Variants in BCKDHB observed in about 807,000 individuals in gnomAD.
BCKDHB encodes the protein branched chain keto acid dehydrogenase E1 subunit beta, also known as 2-oxoisovalerate dehydrogenase subunit beta, mitochondrial.
Under a neutral mutation model 48.5 loss-of-function variants are expected in BCKDHB, and 41 were observed. The ratio of observed to expected loss-of-function variants is 0.85; its 90% CI spans 0.66 to 1.10. BCKDHB has a LOEUF of 1.10. Among genes scored for constraint, BCKDHB ranks in the 50% least tolerant of loss-of-function variants. The pLI, the probability that BCKDHB is intolerant of heterozygous loss-of-function variation, is 0.00. For synonymous variants in BCKDHB, 201 were observed against 174.8 expected, an observed-to-expected ratio of 1.15 and a Z score of -1.18; for missense variants, 496 against 494.2, an observed-to-expected ratio of 1.00 and a Z score of -0.03.
intron 3 of BCKDHB, among the ~76,000 whole-genome samples, chr6:80,151,498 C>T (rs1771776694): frequency 6.6e-6 from 1 of 151,370 alleles, no homozygotes; most frequent in Non-Finnish European, 1.5e-5. Flanking sequence ...TTTGGGACCG[C>T]CTGTATGTGG....
chr6:80,267,387 A>G (rs1777557450), intron 8 of BCKDHB, among the ~76,000 whole-genome samples: 1 of 152,104 alleles, frequency 6.6e-6, no homozygotes. Flanking sequence ...TTACGAGTAC[A>G]TAGACAATCT....
intron 8 of BCKDHB, among the ~76,000 whole-genome samples, chr6:80,223,937 A>G (rs941812287): frequency 3.9e-5 from 6 of 152,214 alleles, no homozygotes; most frequent in Non-Finnish European, 7.3e-5. Flanking sequence ...ATTTCTGACC[A>G]GAAGAATAGA....
At chr6:80,228,997 C>T (rs1775799159) in intron 8 of BCKDHB, among the ~76,000 whole-genome samples, 1 of 152,180 alleles carries the variant, frequency 6.6e-6, no homozygotes, top group African/African-American at 2.4e-5. Context: ...GCCACTGAAA[C>T]ACAACAGAAG....
chr6:80,127,634 A>G lies in BCKDHB; in HGVS notation c.274+10A>G. 1 of 1,605,260 alleles carries G rather than the reference A, an allele frequency of 6.2e-7. No homozygotes were observed. The highest frequency in any genetic ancestry group is 8.5e-7 in the Non-Finnish European group (1 of 1,172,056). Reference sequence around the variant, plus strand: ...AAAGATCCTACTGCAGGTAACCCTGATATGTGCCTGAATTGTGGTAGCTGT... The same window carrying G: ...AAAGATCCTACTGCAGGTAACCCTGGTATGTGCCTGAATTGTGGTAGCTGT... On this transcript the variant is annotated intron_variant, in intron 2 of 9. Coordinates refer to ENST00000320393, the MANE Select transcript of BCKDHB (RefSeq NM_183050.4).
the BCKDHB span, among the ~76,000 whole-genome samples, chr6:80,368,236 A>C: frequency 5.7e-4 from 86 of 152,152 alleles, no homozygotes; most frequent in Non-Finnish European, 8.7e-4. Flanking sequence ...TCTAAAATAA[A>C]ATCCACCATT....
chr6:80,419,878 C>A, the BCKDHB span, among the ~76,000 whole-genome samples: 1 of 152,082 alleles, frequency 6.6e-6, no homozygotes, highest in African/African-American at 2.4e-5. Flanking sequence ...TTCAAATGAT[C>A]TATCTTTGAA....
chr6:80,407,030 G>A, the BCKDHB span, among the ~76,000 whole-genome samples: 29 of 152,280 alleles, frequency 1.9e-4, no homozygotes, highest in East Asian at 4.0e-3. Context: ...GTTAATTTTT[G>A]TGTAAGGTGT....
At chr6:80,331,241 G>A (rs1041282989) in intron 9 of BCKDHB, among the ~76,000 whole-genome samples, 1 of 152,024 alleles carries the variant, frequency 6.6e-6, no homozygotes, top group African/African-American at 2.4e-5. Flanking sequence ...TGGAAATTGA[G>A]TTTCTAAAAT....
At chr6:80,279,402 T>A (rs943820644) in intron 9 of BCKDHB, among the ~76,000 whole-genome samples, 2 of 152,138 alleles carry the variant, frequency 1.3e-5, no homozygotes, top group African/African-American at 4.8e-5. Context: ...GTGATCCTCC[T>A]GCCTCTTCCT....
intron 8 of BCKDHB, among the ~76,000 whole-genome samples, chr6:80,265,970 T>A (rs1777497258): frequency 6.6e-6 from 1 of 152,058 alleles, no homozygotes; most frequent in Admixed American, 6.6e-5. Flanking sequence ...CAGTAAGGCT[T>A]TAGTTATGTG....
intron 3 of BCKDHB, among the ~76,000 whole-genome samples, chr6:80,133,934 T>G (rs1053732469): frequency 6.6e-6 from 1 of 152,178 alleles, no homozygotes; most frequent in Non-Finnish European, 1.5e-5. Context: ...TGAGCCACTG[T>G]GCCTGGTGTC....
the BCKDHB span, among the ~76,000 whole-genome samples, chr6:80,423,873 G>C: frequency 1.3e-5 from 2 of 152,140 alleles, no homozygotes; most frequent in Non-Finnish European, 2.9e-5. Flanking sequence ...TTTCATGCCT[G>C]ATTGTTTTCC....
At chr6:80,287,520 C>A (rs1766684535) in intron 9 of BCKDHB, among the ~76,000 whole-genome samples, 1 of 151,386 alleles carries the variant, frequency 6.6e-6, no homozygotes, top group South Asian at 2.1e-4. Context: ...TTTAGCTCAG[C>A]TAGGTCCAGG....
chr6:80,277,748 T>C (rs1353459228), intron 9 of BCKDHB, among the ~76,000 whole-genome samples: 1 of 151,866 alleles, frequency 6.6e-6, no homozygotes, highest in Non-Finnish European at 1.5e-5. Context: ...CATACCATTG[T>C]TACATCCTTT....
At chr6:80,308,056 C>A in intron 9 of BCKDHB, 1 of 337,966 alleles carries the variant, frequency 3.0e-6, no homozygotes, top group Non-Finnish European at 4.2e-6. Flanking sequence ...AGAAATAAAA[C>A]AAATATATGA....
chr6:80,461,327 T>C, the BCKDHB span, among the ~76,000 whole-genome samples: 1 of 152,148 alleles, frequency 6.6e-6, no homozygotes, highest in Non-Finnish European at 1.5e-5. Flanking sequence ...AAATAATCAA[T>C]ATCCAAGACT....
intron 8 of BCKDHB, among the ~76,000 whole-genome samples, chr6:80,228,243 G>A (rs986099306): frequency 1.3e-5 from 2 of 152,084 alleles, no homozygotes; most frequent in African/African-American, 4.8e-5. Context: ...TTTTGTTTTT[G>A]TGATTTCTGG....
the BCKDHB span, among the ~76,000 whole-genome samples, chr6:80,466,182 G>A: frequency 6.6e-6 from 1 of 152,084 alleles, no homozygotes; most frequent in Non-Finnish European, 1.5e-5. Flanking sequence ...GAAGTTCCAG[G>A]AGGAAGTCAT....
chr6:80,114,733 T>C (rs1769595812), intron 1 of BCKDHB, among the ~76,000 whole-genome samples: 1 of 152,226 alleles, frequency 6.6e-6, no homozygotes, highest in Non-Finnish European at 1.5e-5. Flanking sequence ...GAATTCAGTT[T>C]GTGCTTGTTG....
Sources: allele counts gnomAD v4.1 joint callset (sites outside exome capture counted in the v4.1 genomes callset), GRCh38; gene constraint gnomAD v4.1.1; transcripts MANE v1.5; gene names NCBI Gene and HGNC (gene_info 2026-07-23, HGNC 2026-07-21).